ADGRB3: variants seen among roughly 807,000 people sequenced by gnomAD.
ADGRB3 encodes brain-specific angiogenesis inhibitor 3.
A neutral mutation model predicts 193.4 loss-of-function variants in ADGRB3; 37 were observed. The observed-to-expected ratio is 0.19, with a 90% CI of 0.15 to 0.25. The LOEUF is 0.25. ADGRB3 is among the 10% of genes least tolerant of loss of function. ADGRB3 has a pLI of 1.00. For synonymous variants in ADGRB3, 690 were observed against 644.2 expected (o/e 1.07, Z -1.08); for missense variants, 1,637 against 1,852.9 (o/e 0.88, Z 2.14).
chr6:69,173,013 GGGTTTT>G (rs70987455), intron 17 of ADGRB3, among the ~76,000 whole-genome samples: 11,276 of 151,352 alleles, frequency 0.075, 573 homozygotes, highest in Non-Finnish European at 0.11. Context: ...GAGTTGTGTG[GGGTTTT>G]GGTTTTTGTT....
chr6:68,886,225 G>A (rs1433689534), intron 3 of ADGRB3, among the ~76,000 whole-genome samples: 2 of 152,018 alleles, frequency 1.3e-5, no homozygotes, highest in African/African-American at 2.4e-5. Context: ...GCAAGCTGGT[G>A]TTTACCTTGC....
intron 17 of ADGRB3, among the ~76,000 whole-genome samples, chr6:69,141,539 C>T (rs1302373530): frequency 1.3e-5 from 2 of 151,130 alleles, no homozygotes; most frequent in African/African-American, 4.9e-5. Context: ...AGAGAGAAAG[C>T]ATTCCAGTTG....
chr6:68,969,049 T>C (rs1768478497), intron 8 of ADGRB3, among the ~76,000 whole-genome samples: 1 of 152,054 alleles, frequency 6.6e-6, no homozygotes. Context: ...AAGTGATTTC[T>C]TTAATGAAAG....
At chr6:69,259,063 A>T (rs931261082) in intron 20 of ADGRB3, among the ~76,000 whole-genome samples, 1 of 152,226 alleles carries the variant, frequency 6.6e-6, no homozygotes, top group African/African-American at 2.4e-5. Context: ...TACCACAGCA[A>T]TATTATGAAG....
intron 24 of ADGRB3, among the ~76,000 whole-genome samples, chr6:69,338,029 G>T (rs1768889862): frequency 6.6e-6 from 1 of 152,046 alleles, no homozygotes; most frequent in African/African-American, 2.4e-5. Flanking sequence ...TTCCTAAAAG[G>T]TTTATTTTCT....
intron 13 of ADGRB3, among the ~76,000 whole-genome samples, chr6:69,030,827 T>C (rs1770622347): frequency 6.6e-6 from 1 of 151,986 alleles, no homozygotes; most frequent in African/African-American, 2.4e-5. Context: ...TGAGTTTTCT[T>C]TTCTTTTTCC....
At chr6:69,204,793 G>A (rs867483825) in intron 17 of ADGRB3, among the ~76,000 whole-genome samples, 7 of 151,742 alleles carry the variant, frequency 4.6e-5, no homozygotes, top group African/African-American at 7.3e-5. Flanking sequence ...CTCTGACCCC[G>A]TTTCCAAGAC....
intron 3 of ADGRB3, among the ~76,000 whole-genome samples, chr6:68,734,459 C>A (rs1765834496): frequency 6.6e-6 from 1 of 151,728 alleles, no homozygotes; most frequent in Admixed American, 6.6e-5. Context: ...TGATGTGGTT[C>A]AATCTTGGGC....
chr6:68,674,312 A>T (rs1009894461), intron 3 of ADGRB3, among the ~76,000 whole-genome samples: 3 of 152,172 alleles, frequency 2.0e-5, no homozygotes, highest in Admixed American at 6.5e-5. Flanking sequence ...AAGCTAAAAA[A>T]ATTTTAGACG....
At chr6:68,968,037 G>A (rs1768435508) in intron 8 of ADGRB3, among the ~76,000 whole-genome samples, 1 of 151,830 alleles carries the variant, frequency 6.6e-6, no homozygotes, top group African/African-American at 2.4e-5. Context: ...GAAGAGGAGA[G>A]GTAAGCTGTA....
intron 10 of ADGRB3, among the ~76,000 whole-genome samples, chr6:68,988,626 G>A (rs150278440): frequency 1.5e-3 from 221 of 152,172 alleles, no homozygotes; most frequent in African/African-American, 4.7e-3. Flanking sequence ...GGAAATTAAC[G>A]CAGGGGGATA....
chr6:68,893,826 A>G (rs1259633469), intron 3 of ADGRB3, among the ~76,000 whole-genome samples: 1 of 151,986 alleles, frequency 6.6e-6, no homozygotes, highest in Admixed American at 6.6e-5. Flanking sequence ...TGGAATTTAT[A>G]AACAGATTAT....
At chr6:68,745,522 T>G (rs1269503319) in intron 3 of ADGRB3, among the ~76,000 whole-genome samples, 1 of 152,128 alleles carries the variant, frequency 6.6e-6, no homozygotes, top group Non-Finnish European at 1.5e-5. Context: ...TTCCCAACAA[T>G]GTGAATGTAA....
chr6:69,133,500 C>T (rs1304951255), intron 17 of ADGRB3, among the ~76,000 whole-genome samples: 3 of 151,902 alleles, frequency 2.0e-5, no homozygotes, highest in East Asian at 3.9e-4. Flanking sequence ...AAAAAACACC[C>T]ATGACCAGAT....
At chr6:69,156,988 CTA>C (rs1412940994) in intron 17 of ADGRB3, among the ~76,000 whole-genome samples, 2 of 152,172 alleles carry the variant, frequency 1.3e-5, no homozygotes, top group African/African-American at 4.8e-5. Flanking sequence ...AGAGAAGACA[CTA>C]TGTTTCCCTA....
At chr6:68,791,456 C>A (rs540233592) in intron 3 of ADGRB3, among the ~76,000 whole-genome samples, 1 of 151,992 alleles carries the variant, frequency 6.6e-6, no homozygotes, top group Admixed American at 6.6e-5. Context: ...TATTTTTGCT[C>A]TTTTTCTTGT....
intron 3 of ADGRB3, among the ~76,000 whole-genome samples, chr6:68,730,603 T>G (rs1562008444): frequency 6.6e-6 from 1 of 151,720 alleles, no homozygotes; most frequent in African/African-American, 2.4e-5. Context: ...TTTTTTCATT[T>G]TCCCCATGTT....
intron 20 of ADGRB3, among the ~76,000 whole-genome samples, chr6:69,276,513 A>G (rs1767306105): frequency 6.6e-6 from 1 of 152,216 alleles, no homozygotes; most frequent in Non-Finnish European, 1.5e-5. Context: ...ATGATCAAAT[A>G]AATTCCCATC....
At chr6:69,090,217 C>G (rs929461212) in intron 17 of ADGRB3, among the ~76,000 whole-genome samples, 1 of 152,138 alleles carries the variant, frequency 6.6e-6, no homozygotes, top group African/African-American at 2.4e-5. Context: ...GTGGGTTATT[C>G]AATACCTCAT....
Sources: allele counts gnomAD v4.1 joint callset (sites outside exome capture counted in the v4.1 genomes callset), GRCh38; gene constraint gnomAD v4.1.1; transcripts MANE v1.5; gene names NCBI Gene and HGNC (gene_info 2026-07-23, HGNC 2026-07-21).